IPO7: variants seen among roughly 807,000 people sequenced by gnomAD.
IPO7 encodes the protein importin 7.
Under a neutral mutation model 136.4 loss-of-function variants are expected in IPO7, and 13 were observed. The ratio of observed to expected loss-of-function variants is 0.10; its 90% CI spans 0.06 to 0.15. The LOEUF (loss-of-function observed/expected upper bound fraction) is 0.15, where lower values mean the gene tolerates loss of function less well. Among genes scored for constraint, IPO7 ranks in the 10% least tolerant of loss-of-function variants. IPO7 has a pLI of 1.00. For synonymous variants in IPO7, 403 were observed against 404.4 expected (o/e 1.00, Z 0.04); for missense variants, 857 against 1,240.6 (o/e 0.69, Z 4.65).
At chr11:9,395,031 A>T (rs1232070487) in intron 1 of IPO7, among the ~76,000 whole-genome samples, 1 of 152,082 alleles carries the variant, frequency 6.6e-6, no homozygotes, top group Non-Finnish European at 1.5e-5. Context: ...GGAGCTTGAG[A>T]AGGGGACTAC....
intron 15 of IPO7, chr11:9,430,444 A>G (rs1404806009): frequency 1.3e-5 from 2 of 157,842 alleles, no homozygotes; most frequent in African/African-American, 4.8e-5. Flanking sequence ...CAGCATGACT[A>G]TCTGCATAGT....
chr11:9,439,580 T>C (rs187874040), intron 22 of IPO7, among the ~76,000 whole-genome samples: 1 of 152,166 alleles, frequency 6.6e-6, no homozygotes, highest in Non-Finnish European at 1.5e-5. Context: ...TGTTTGTTTT[T>C]TTTTGTTGTT....
At position 9,397,353 on chromosome 11, in the gene IPO7, T is replaced by A. The variant is rs1215503919; in HGVS notation, c.85-5937T>A. On this transcript the variant is annotated intron_variant, in intron 1 of 24. Transcript: ENST00000379719. ...TAATTTAAAAAAAAATATATATATATATATATATATATTAGTCGGGCACGG... is the reference window on the plus strand; with the variant it reads ...TAATTTAAAAAAAAATATATATATAAATATATATATATTAGTCGGGCACGG... Among the ~76,000 whole-genome samples, 12 of 31,778 alleles carry A rather than the reference T, an allele frequency of 3.8e-4. 1 individual carries two copies. In the East Asian group the frequency reaches 0.014, roughly 37 times the overall value. The allele number at this position is 31,778 out of a possible 152,430, so 20.8% of individuals were successfully genotyped here.
chr11:9,430,759 A>T, intron 15 of IPO7, 116 bp from the exon 16 acceptor site: 1 of 750,280 alleles, frequency 1.3e-6, no homozygotes, highest in Non-Finnish European at 2.2e-6. Flanking sequence ...ATCAATTTGG[A>T]GACATTGATT....
intron 19 of IPO7, 66 bp from the exon 20 acceptor site, chr11:9,436,205 T>G (rs1855365769): frequency 9.1e-7 from 1 of 1,101,768 alleles, no homozygotes; most frequent in African/African-American, 1.5e-5. Context: ...GGAAATTGTT[T>G]CCTTGATTTA....
chr11:9,414,589 T>A, intron 5 of IPO7, 178 bp downstream of exon 5: 2 of 179,178 alleles, frequency 1.1e-5, no homozygotes, highest in Non-Finnish European at 2.3e-5. Context: ...GCATACTTCC[T>A]CCCCAAATAC....
chr11:9,438,047 T>TTTG, intron 21 of IPO7, 33 bp from the exon 22 acceptor site: 5 of 213,224 alleles, frequency 2.3e-5, no homozygotes, highest in Admixed American at 2.3e-4. Context: ...AGAAAACAGT[T>TTTG]TTTTTTTTTT....
chr11:9,423,997 T>G lies in IPO7; in HGVS notation c.1141+121T>G. On this transcript the variant is annotated intron_variant, in intron 10 of 24. Coordinates refer to ENST00000379719, the MANE Select transcript of IPO7 (RefSeq NM_006391.3). ...TTGTTGTTTTAATGTAATTGATCCCTTGTGTAGTCCTTTTTGGGGCTATTT... is the reference window on the plus strand; with the variant it reads ...TTGTTGTTTTAATGTAATTGATCCCGTGTGTAGTCCTTTTTGGGGCTATTT... The G allele has an allele frequency of 7.0e-6, 4 of 568,120 alleles. No homozygotes were observed. In the South Asian group the frequency reaches 9.6e-5, roughly 14 times the overall value. 35.2% of individuals were successfully genotyped at this position (568,120 alleles called of 1,614,324 possible). A position where few individuals can be genotyped will look rare whatever the true frequency, so the allele number is the denominator to read the frequency against.
chr11:9,438,981 T>C (rs1192367531), intron 22 of IPO7, among the ~76,000 whole-genome samples: 1 of 152,054 alleles, frequency 6.6e-6, no homozygotes, highest in Non-Finnish European at 1.5e-5. Flanking sequence ...GAGCGAGAGA[T>C]TATAGTTCCC....
intron 1 of IPO7, among the ~76,000 whole-genome samples, chr11:9,401,175 C>G (rs1854789882): frequency 6.7e-6 from 1 of 149,158 alleles, no homozygotes; most frequent in South Asian, 2.1e-4. Context: ...GAGTGAAATT[C>G]TGTCTCAAAA....
chr11:9,413,502 A>G (rs1418756182), intron 4 of IPO7, among the ~76,000 whole-genome samples: 1 of 151,858 alleles, frequency 6.6e-6, no homozygotes, highest in African/African-American at 2.4e-5. Context: ...TTTATAATTT[A>G]TACAAATATT....
chr11:9,447,519 TG>T lies in IPO7; in HGVS notation c.*2326del, dbSNP rs987713382. On this transcript the variant is annotated 3_prime_UTR_variant, in exon 25 of 25. Coordinates refer to ENST00000379719, the MANE Select transcript of IPO7 (RefSeq NM_006391.3). ...ATCTTAACATGTATCAGTTTCTAGA[TG>T]AGGCTGCAGGATTTTTGGAAAACTT... 1.3e-5 allele frequency: 2 copies of T among 152,216 alleles called. No homozygotes were observed. Among genetic ancestry groups the T allele is most frequent in the African/African-American group, 2.4e-5 (1 of 41,466 alleles). The allele number at this position is 152,216 out of a possible 1,614,324, so 9.4% of individuals were successfully genotyped here.
chr11:9,384,722 CAGT>C lies in IPO7; in HGVS notation c.-39_-37del. The C allele has an allele frequency of 1.3e-6, 2 of 1,507,720 alleles. No homozygotes were observed. Among genetic ancestry groups the C allele is most frequent in the Middle Eastern group, 1.7e-4 (1 of 5,846 alleles). 93.4% of individuals were successfully genotyped at this position (1,507,720 alleles called of 1,614,324 possible). A position where few individuals can be genotyped will look rare whatever the true frequency, so the allele number is the denominator to read the frequency against. ...GCAGTGAGTGGCGCTATTCCTGGCC[CAGT>C]AGCACCCGAGCCCCGGGTTTGACCG... On this transcript the variant is annotated 5_prime_UTR_variant, in exon 1 of 25. Transcript: ENST00000379719.
chr11:9,420,499 T>G lies in IPO7; in HGVS notation c.815T>G (p.Phe272Cys). The G allele has an allele frequency of 1.2e-6, 2 of 1,608,714 alleles. No homozygotes were observed. The highest frequency in any genetic ancestry group is 1.7e-6 in the Non-Finnish European group (2 of 1,175,382). Residue 272 changes from phenylalanine (F) to cysteine (C), a missense_variant, in exon 7 of 25, where the codon TTT (phenylalanine) becomes TGT (cysteine). Phe to Cys is a radical substitution (Grantham distance 205, BLOSUM62 -2). Around this residue, in one of 11 missense-constraint regions of IPO7, gnomAD observed 287 missense variants for 307.5 expected, o/e 0.93. Coordinates refer to ENST00000379719, the MANE Select transcript of IPO7 (RefSeq NM_006391.3). ...KWALHILARL[F>C]ERYGSPGNVS... is the part of the protein sequence containing the mutation. ...GCCTTACATATTTTAGCAAGACTTT[T>G]TGAAAGGTAATCTCATCCATATATG...
At chr11:9,394,209 C>T (rs534831168) in intron 1 of IPO7, among the ~76,000 whole-genome samples, 3 of 152,066 alleles carry the variant, frequency 2.0e-5, no homozygotes, top group South Asian at 4.1e-4. Flanking sequence ...TAATTTTCCA[C>T]GCAGTCAGAG....
At chr11:9,387,694 G>A (rs1854570720) in intron 1 of IPO7, among the ~76,000 whole-genome samples, 1 of 152,088 alleles carries the variant, frequency 6.6e-6, no homozygotes, top group South Asian at 2.1e-4. Flanking sequence ...AGCTGGGCGC[G>A]GTGGCGCATG....
intron 2 of IPO7, among the ~76,000 whole-genome samples, chr11:9,404,335 G>A (rs1257971651): frequency 4.6e-5 from 7 of 151,542 alleles, no homozygotes; most frequent in African/African-American, 1.7e-4. Context: ...CGTGGTGGCG[G>A]GCGCCTGTAG....
intron 6 of IPO7, 181 bp from the exon 7 acceptor site, chr11:9,420,230 T>C (rs1021704591): frequency 2.0e-5 from 10 of 505,754 alleles, no homozygotes; most frequent in Non-Finnish European, 3.5e-5. Context: ...GGCGGGAGAA[T>C]TGTGTGAACT....
chr11:9,433,337 C>T, intron 16 of IPO7: 4 of 484,716 alleles, frequency 8.3e-6, no homozygotes, highest in South Asian at 3.2e-5. Flanking sequence ...TTGTTTTTTC[C>T]TTTTTAGGTA....
Sources: allele counts gnomAD v4.1 joint callset (sites outside exome capture counted in the v4.1 genomes callset), GRCh38; gene constraint gnomAD v4.1.1; regional missense constraint gnomAD v4.1.1; transcripts MANE v1.5; gene names NCBI Gene and HGNC (gene_info 2026-07-23, HGNC 2026-07-21).